The following CDK17 variants were observed in gnomAD, a reference collection of about 807,000 sequenced individuals.
The protein encoded by CDK17 is cyclin-dependent kinase 17.
Under a neutral mutation model 77.6 loss-of-function variants are expected in CDK17, and 24 were observed. The ratio of observed to expected loss-of-function variants is 0.31; its 90% CI spans 0.22 to 0.44. The LOEUF (loss-of-function observed/expected upper bound fraction) is 0.44, where lower values mean the gene tolerates loss of function less well. Ranked by LOEUF, CDK17 falls within the 20% of genes least tolerant of loss-of-function variation. The pLI, the probability that CDK17 is intolerant of heterozygous loss-of-function variation, is 1.00. For missense variants in CDK17, 429 were observed against 622.5 expected (o/e 0.69, Z 3.31); for synonymous variants, 203 against 210.4 (o/e 0.96, Z 0.30).
At chr12:96,358,622 G>A (rs1953444074) in intron 1 of CDK17, among the ~76,000 whole-genome samples, 1 of 152,032 alleles carries the variant, frequency 6.6e-6, no homozygotes, top group South Asian at 2.1e-4. Flanking sequence ...AGGAGTTCGA[G>A]ACCAGCCTGG....
intron 4 of CDK17, among the ~76,000 whole-genome samples, chr12:96,311,608 T>TTTTTTTTTTTTTTTTG (rs1555200976): frequency 6.7e-6 from 1 of 148,370 alleles, no homozygotes; most frequent in East Asian, 2.0e-4. Flanking sequence ...CTACTTTATT[T>TTTTTTTTTTTTTTTTG]AATTATACAA....
intron 1 of CDK17, among the ~76,000 whole-genome samples, chr12:96,394,603 T>C (rs1954135018): frequency 1.3e-5 from 2 of 151,820 alleles, no homozygotes; most frequent in Non-Finnish European, 2.9e-5. Context: ...TCACCTGAGG[T>C]CAGGAGTTCG....
At chr12:96,369,565 G>A (rs1325808643) in intron 1 of CDK17, among the ~76,000 whole-genome samples, 1 of 152,108 alleles carries the variant, frequency 6.6e-6, no homozygotes, top group Non-Finnish European at 1.5e-5. Context: ...ATCACTTGAG[G>A]TCTAAAGTTT....
chr12:96,386,450 A>G (rs539697311), intron 1 of CDK17, among the ~76,000 whole-genome samples: 1 of 152,176 alleles, frequency 6.6e-6, no homozygotes, highest in Admixed American at 6.5e-5. Context: ...GAAGTTTGAG[A>G]CCAGCCTGCA....
In CDK17 at chr12:96,298,993, A is replaced by G; in HGVS notation, c.601-10T>C. The G allele has an allele frequency of 1.5e-6, 2 of 1,330,966 alleles. No homozygotes were observed. Among genetic ancestry groups the G allele is most frequent in the Non-Finnish European group, 1.1e-6 (1 of 934,972 alleles). 82.4% of individuals were successfully genotyped at this position (1,330,966 alleles called of 1,614,324 possible). On this transcript the variant is annotated splice_polypyrimidine_tract_variant and intron_variant, in intron 6 of 16. Coordinates refer to ENST00000261211, the MANE Select transcript of CDK17 (RefSeq NM_002595.5). Reference sequence around the variant, plus strand: ...CTGTTGCATATGTACCCTATAAAATATATTTTTAAAGGACGCATCAAAAGT... The same window carrying G: ...CTGTTGCATATGTACCCTATAAAATGTATTTTTAAAGGACGCATCAAAAGT...
intron 1 of CDK17, 85 bp from the exon 2 acceptor site, chr12:96,334,950 T>C: frequency 1.4e-6 from 1 of 695,466 alleles, no homozygotes. Context: ...CTGGAAATCT[T>C]TAAAATAGGA....
intron 1 of CDK17, among the ~76,000 whole-genome samples, chr12:96,357,891 C>T (rs1042079031): frequency 2.6e-5 from 4 of 151,992 alleles, no homozygotes; most frequent in Admixed American, 1.3e-4. Flanking sequence ...GCAACATGTC[C>T]GTAATAGCAT....
intron 1 of CDK17, among the ~76,000 whole-genome samples, chr12:96,350,963 T>C (rs149597296): frequency 0.01 from 1,590 of 152,190 alleles, 47 homozygotes; most frequent in Admixed American, 0.064. Flanking sequence ...GAGTTTAATA[T>C]CCAGAAAGAA....
At chr12:96,371,989 CAG>C (rs1241670576) in intron 1 of CDK17, among the ~76,000 whole-genome samples, 1 of 98,428 alleles carries the variant, frequency 1.0e-5, no homozygotes, top group African/African-American at 4.3e-5. Flanking sequence ...GAGAGAGAGA[CAG>C]TGTGTGAGTG....
In CDK17 at chr12:96,288,230, G is replaced by A. The variant is rs575665241; in HGVS notation, c.1118+937C>T. Among the ~76,000 whole-genome samples, 19 of 152,120 alleles carry A rather than the reference G, an allele frequency of 1.2e-4. No individual in the cohort carries two copies. In the East Asian group the frequency reaches 2.3e-3, roughly 19 times the overall value. On this transcript the variant is annotated intron_variant, in intron 11 of 16. Transcript: ENST00000261211. Reference sequence around the variant, plus strand: ...AAAAATTAATTTTAAAAAGTTATACGAGACATTTTACATAAACTGTTCAAG... The same window carrying A: ...AAAAATTAATTTTAAAAAGTTATACAAGACATTTTACATAAACTGTTCAAG...
chr12:96,369,076 T>TA (rs1953647597), intron 1 of CDK17, among the ~76,000 whole-genome samples: 2 of 151,964 alleles, frequency 1.3e-5, no homozygotes, highest in African/African-American at 4.8e-5. Context: ...GTGTATTCAC[T>TA]AAAAAACAAG....
At chr12:96,309,622 A>G (rs531603102) in intron 5 of CDK17, among the ~76,000 whole-genome samples, 1 of 152,338 alleles carries the variant, frequency 6.6e-6, no homozygotes, top group South Asian at 2.1e-4. Flanking sequence ...CGTATAAACC[A>G]ATAAAAAAGA....
chr12:96,333,088 T>C (rs956843637), intron 2 of CDK17, among the ~76,000 whole-genome samples: 6 of 152,062 alleles, frequency 3.9e-5, no homozygotes, highest in South Asian at 4.1e-4. Context: ...GGCAAACACA[T>C]TGGCAAGACC....
intron 2 of CDK17, among the ~76,000 whole-genome samples, chr12:96,324,762 G>A (rs551839431): frequency 1.7e-4 from 25 of 150,816 alleles, no homozygotes; most frequent in African/African-American, 5.4e-4. Context: ...GCAAGACTCC[G>A]TCTCAAAAAG....
At chr12:96,335,464 G>A (rs560093377) in intron 1 of CDK17, among the ~76,000 whole-genome samples, 5 of 152,230 alleles carry the variant, frequency 3.3e-5, no homozygotes, top group African/African-American at 9.6e-5. Flanking sequence ...CCAAATTAGC[G>A]GGTACTGAAT....
intron 1 of CDK17, among the ~76,000 whole-genome samples, chr12:96,388,353 C>T (rs560587294): frequency 4.7e-4 from 72 of 152,276 alleles, no homozygotes; most frequent in South Asian, 3.1e-3. Flanking sequence ...CAACAATGCA[C>T]ATCTTAGACT....
chr12:96,387,420 A>C lies in CDK17; in HGVS notation c.-30+12566T>G, dbSNP rs571382832. On this transcript the variant is annotated intron_variant, in intron 1 of 16. Coordinates refer to ENST00000261211, the MANE Select transcript of CDK17 (RefSeq NM_002595.5). ...CCCAGAGATTCTCATTCAGAAACAGAGTTTGAGATTACACAGTTACAAGCA... is the reference window on the plus strand; with the variant it reads ...CCCAGAGATTCTCATTCAGAAACAGCGTTTGAGATTACACAGTTACAAGCA... Among the ~76,000 whole-genome samples, 80 of 152,348 alleles carry C rather than the reference A, an allele frequency of 5.3e-4. 1 individual carries two copies. The highest frequency in any genetic ancestry group is 6.8e-3 in the Middle Eastern group (2 of 294).
intron 1 of CDK17, among the ~76,000 whole-genome samples, chr12:96,386,378 G>A (rs924964131): frequency 2.6e-5 from 4 of 152,196 alleles, no homozygotes; most frequent in African/African-American, 9.6e-5. Flanking sequence ...GCCAGACACA[G>A]AGGCACATGC....
chr12:96,390,505 T>TC (rs1265389583), intron 1 of CDK17, among the ~76,000 whole-genome samples: 1 of 148,796 alleles, frequency 6.7e-6, no homozygotes, highest in African/African-American at 2.4e-5. Flanking sequence ...GCTCAGGAGT[T>TC]CAAGACCAGC....
Sources: gnomAD v4.1 joint callset for allele counts (sites outside exome capture counted in the v4.1 genomes callset) on GRCh38, gnomAD v4.1.1 for gene constraint, MANE v1.5 for transcripts, NCBI Gene and HGNC (gene_info 2026-07-23, HGNC 2026-07-21) for gene names.